MALRD1: variants seen among roughly 807,000 people sequenced by gnomAD.
The protein encoded by MALRD1 is MAM and LDL receptor class A domain containing 1, also known as MAM and LDL-receptor class A domain-containing protein 1.
Under a neutral mutation model 242.1 loss-of-function variants are expected in MALRD1, and 247 were observed. The observed-to-expected ratio is 1.02, with a 90% CI of 0.92 to 1.13. The LOEUF (loss-of-function observed/expected upper bound fraction) is 1.13. MALRD1 is among the 50% of genes most tolerant of loss of function. The probability of loss-of-function intolerance (pLI) is 0.00; values close to 1 mark genes in which losing one functional copy is unlikely to be tolerated. For missense variants in MALRD1, 2,989 were observed against 2,533.1 expected (o/e 1.18, Z -3.86); for synonymous variants, 995 against 866.6 (o/e 1.15, Z -2.60).
At chr10:19,718,113 A>AGAG (rs796320552) in intron 38 of MALRD1, among the ~76,000 whole-genome samples, 24 of 149,616 alleles carry the variant, frequency 1.6e-4, no homozygotes, top group African/African-American at 4.7e-4. Context: ...AAGAGGAAGA[A>AGAG]GAAGAAGAAG....
At chr10:19,501,853 G>A (rs1837986765) in intron 31 of MALRD1, among the ~76,000 whole-genome samples, 1 of 151,724 alleles carries the variant, frequency 6.6e-6, no homozygotes, top group Non-Finnish European at 1.5e-5. Flanking sequence ...GCAACATAGT[G>A]AAACCCCATC....
intron 33 of MALRD1, among the ~76,000 whole-genome samples, chr10:19,571,029 G>T (rs988461747): frequency 2.6e-5 from 4 of 152,048 alleles, no homozygotes; most frequent in Non-Finnish European, 5.9e-5. Context: ...GGGAACTATT[G>T]CATAGATGGA....
chr10:19,346,683 G>A (rs371955814), intron 24 of MALRD1, among the ~76,000 whole-genome samples: 1 of 151,800 alleles, frequency 6.6e-6, no homozygotes, highest in East Asian at 1.9e-4. Flanking sequence ...ATGGAGTCTC[G>A]CTCTATCACC....
At chr10:19,276,149 GT>G (rs1419208927) in intron 19 of MALRD1, among the ~76,000 whole-genome samples, 2 of 152,170 alleles carry the variant, frequency 1.3e-5, no homozygotes, top group Middle Eastern at 3.2e-3. Context: ...GGATGAGCAT[GT>G]GCTGAAGTGA....
At chr10:19,293,486 G>A (rs979614421) in intron 21 of MALRD1, among the ~76,000 whole-genome samples, 1 of 152,078 alleles carries the variant, frequency 6.6e-6, no homozygotes, top group African/African-American at 2.4e-5. Flanking sequence ...ATATATATCA[G>A]TAATTTGTTG....
intron 32 of MALRD1, among the ~76,000 whole-genome samples, chr10:19,553,082 C>A (rs1835560581): frequency 6.6e-6 from 1 of 151,934 alleles, no homozygotes; most frequent in Non-Finnish European, 1.5e-5. Flanking sequence ...GTTTAAAAGT[C>A]CTAAGAGGAC....
intron 28 of MALRD1, among the ~76,000 whole-genome samples, chr10:19,394,393 T>C (rs1373241972): frequency 6.6e-6 from 1 of 152,208 alleles, no homozygotes; most frequent in African/African-American, 2.4e-5. Context: ...TCTACATGTC[T>C]TCCTAGAAAT....
chr10:19,481,623 A>G lies in MALRD1; in HGVS notation c.5030-9894A>G, dbSNP rs576458769. ...CAGATGTTGTTCTTCCTTTATGTAA[A>G]TATGAATCTTCTAGTCATATTTATT... On this transcript the variant is annotated intron_variant, in intron 29 of 39. Transcript: ENST00000454679. 1.3e-4 allele frequency among the ~76,000 whole-genome samples: 20 copies of G among 152,214 alleles called. No individual in the cohort carries two copies. The South Asian group carries it at 3.9e-3, about 30-fold the overall frequency.
chr10:19,331,716 C>T, intron 24 of MALRD1, 134 bp downstream of exon 24: 1 of 665,926 alleles, frequency 1.5e-6, no homozygotes, highest in Non-Finnish European at 2.6e-6. Context: ...TTTAACTTGA[C>T]ACATTCCCTC....
rs79363541 is a variant in MALRD1, at chr10:19,079,273, C to T, written c.341-8567C>T. Among the ~76,000 whole-genome samples, 423 of 151,770 alleles carry T rather than the reference C, an allele frequency of 2.8e-3. 1 individual carries two copies. The highest frequency in any genetic ancestry group is 9.5e-3 in the African/African-American group (395 of 41,482). Reference sequence around the variant, plus strand: ...TTTAGGAGACTATTATTTAATTCTACGTATTTGTGAATTTTTCTGATTTCA... The same window carrying T: ...TTTAGGAGACTATTATTTAATTCTATGTATTTGTGAATTTTTCTGATTTCA... On this transcript the variant is annotated intron_variant, in intron 2 of 39. Transcript: ENST00000454679.
chr10:19,671,939 T>C (rs922311695), intron 36 of MALRD1, among the ~76,000 whole-genome samples: 1 of 152,250 alleles, frequency 6.6e-6, no homozygotes, highest in East Asian at 1.9e-4. Context: ...TCTTTTTTTT[T>C]CATTTTTTCT....
At chr10:19,693,677 T>A (rs1833217139) in intron 38 of MALRD1, among the ~76,000 whole-genome samples, 1 of 151,964 alleles carries the variant, frequency 6.6e-6, no homozygotes, top group Non-Finnish European at 1.5e-5. Context: ...TTCAATGCCA[T>A]CCCCATCAAG....
chr10:19,530,727 T>G (rs1003902600), intron 31 of MALRD1, among the ~76,000 whole-genome samples: 5 of 151,924 alleles, frequency 3.3e-5, no homozygotes, highest in Non-Finnish European at 7.4e-5. Flanking sequence ...AAAAAGCTAT[T>G]GTAATGACTC....
chr10:19,576,771 A>G (rs940740895), intron 33 of MALRD1, among the ~76,000 whole-genome samples: 2 of 152,052 alleles, frequency 1.3e-5, no homozygotes, highest in African/African-American at 4.8e-5. Context: ...TCCTCCTCCA[A>G]TTTCAGGGGC....
chr10:19,556,011 C>A (rs901560254), intron 32 of MALRD1, among the ~76,000 whole-genome samples: 3 of 151,944 alleles, frequency 2.0e-5, no homozygotes, highest in African/African-American at 7.3e-5. Flanking sequence ...TGTGTTTTTC[C>A]AACTAAGGCA....
chr10:19,142,998 A>G (rs899809724), intron 10 of MALRD1, among the ~76,000 whole-genome samples: 1 of 152,244 alleles, frequency 6.6e-6, no homozygotes, highest in African/African-American at 2.4e-5. Context: ...AAAACAGCCA[A>G]TCAATTCACC....
At chr10:19,312,422 G>T (rs1442727247) in intron 21 of MALRD1, among the ~76,000 whole-genome samples, 2 of 148,820 alleles carry the variant, frequency 1.3e-5, no homozygotes, top group African/African-American at 5.0e-5. Flanking sequence ...GTGTGTGTGT[G>T]TGTGTGAGAG....
At position 19,283,000 on chromosome 10, in the gene MALRD1, T is replaced by A; in HGVS notation, c.3257-19T>A. On this transcript the variant is annotated intron_variant, in intron 20 of 39. Coordinates refer to ENST00000454679, the MANE Select transcript of MALRD1 (RefSeq NM_001142308.3). The stretch of plus-strand genomic sequence containing the variant: ...TGCCACTTACTAGCTCACCTTTTCT[T>A]TGTTCTACCCCATCCAAGTTATGGA... 1.3e-6 allele frequency: 2 copies of A among 1,490,876 alleles called. No individual in the cohort carries two copies. The highest frequency in any genetic ancestry group is 1.8e-6 in the Non-Finnish European group (2 of 1,114,678). The allele number at this position is 1,490,876 out of a possible 1,614,324, so 92.4% of individuals were successfully genotyped here.
chr10:19,425,861 A>G (rs1450387657), intron 28 of MALRD1, among the ~76,000 whole-genome samples: 1 of 152,164 alleles, frequency 6.6e-6, no homozygotes, highest in Non-Finnish European at 1.5e-5. Context: ...CCTTCGAACC[A>G]CAGGCTACCA....
Sources: allele counts gnomAD v4.1 joint callset (sites outside exome capture counted in the v4.1 genomes callset), GRCh38; gene constraint gnomAD v4.1.1; transcripts MANE v1.5; gene names NCBI Gene and HGNC (gene_info 2026-07-23, HGNC 2026-07-21).